DAB1: variants seen among roughly 807,000 people sequenced by gnomAD.
DAB1 encodes the protein disabled homolog 1.
DAB1 carries 15 observed loss-of-function variants against 64.6 expected under a neutral mutation model. The ratio of observed to expected loss-of-function variants is 0.23; its 90% confidence interval spans 0.16 to 0.36. The LOEUF is 0.36. DAB1 is among the 10% of genes least tolerant of loss of function. The probability of loss-of-function intolerance (pLI) is 1.00; values close to 1 mark genes in which losing one functional copy is unlikely to be tolerated. For missense variants in DAB1, 596 were observed against 706.7 expected (o/e 0.84, Z 1.78); for synonymous variants, 235 against 251.9 (o/e 0.93, Z 0.64).
At chr1:58,347,360 A>C (rs919304496) in intron 3 of DAB1, among the ~76,000 whole-genome samples, 5 of 152,178 alleles carry the variant, frequency 3.3e-5, no homozygotes, top group African/African-American at 9.7e-5. Context: ...CACCCGCCTC[A>C]GCTTCCCAAA....
At chr1:58,483,627 C>A (rs563416172) in intron 3 of DAB1, among the ~76,000 whole-genome samples, 1 of 152,282 alleles carries the variant, frequency 6.6e-6, no homozygotes, top group Admixed American at 6.5e-5. Flanking sequence ...TGAATTGACA[C>A]AACAAGAAAA....
chr1:57,165,159 G>A (rs1380043781), intron 2 of DAB1, among the ~76,000 whole-genome samples: 2 of 151,948 alleles, frequency 1.3e-5, no homozygotes, highest in Non-Finnish European at 2.9e-5. Flanking sequence ...TCCCCAACAT[G>A]GCTTAGCATT....
intron 5 of DAB1, among the ~76,000 whole-genome samples, chr1:57,986,958 G>T (rs1273515368): frequency 6.6e-6 from 1 of 152,160 alleles, no homozygotes; most frequent in Non-Finnish European, 1.5e-5. Context: ...AGTATACGAG[G>T]TCAGAGACTT....
intron 6 of DAB1, among the ~76,000 whole-genome samples, chr1:57,691,234 A>G (rs1009135576): frequency 2.0e-5 from 3 of 152,102 alleles, no homozygotes; most frequent in African/African-American, 4.8e-5. Context: ...CTCTGTAAAA[A>G]TGCACCAATC....
chr1:58,109,930 G>A (rs1651877295), intron 5 of DAB1, among the ~76,000 whole-genome samples: 1 of 152,120 alleles, frequency 6.6e-6, no homozygotes, highest in Non-Finnish European at 1.5e-5. Context: ...CTCCTACACT[G>A]TGATATGTGA....
At chr1:57,731,146 C>A (rs1474041138) in intron 6 of DAB1, among the ~76,000 whole-genome samples, 1 of 152,072 alleles carries the variant, frequency 6.6e-6, no homozygotes, top group Non-Finnish European at 1.5e-5. Flanking sequence ...CCTTGAAAAG[C>A]AAGGAAATTT....
intron 5 of DAB1, among the ~76,000 whole-genome samples, chr1:57,953,670 C>T (rs561729327): frequency 6.6e-5 from 10 of 152,240 alleles, no homozygotes; most frequent in East Asian, 1.9e-4. Flanking sequence ...TTGTTAAGGA[C>T]GCCATCAAGC....
At chr1:58,228,498 T>C (rs1261899566) in intron 4 of DAB1, among the ~76,000 whole-genome samples, 1 of 151,916 alleles carries the variant, frequency 6.6e-6, no homozygotes, top group African/African-American at 2.4e-5. Flanking sequence ...TCAGAGGCAC[T>C]GGGTGGAAAA....
intron 5 of DAB1, among the ~76,000 whole-genome samples, chr1:58,063,357 G>GA (rs895308877): frequency 2.0e-5 from 3 of 152,156 alleles, no homozygotes; most frequent in African/African-American, 4.8e-5. Flanking sequence ...CTTGCTATAG[G>GA]AAAAAATCAG....
At chr1:58,019,937 C>A (rs1267923912) in intron 5 of DAB1, among the ~76,000 whole-genome samples, 2 of 152,112 alleles carry the variant, frequency 1.3e-5, no homozygotes, top group Non-Finnish European at 2.9e-5. Context: ...AATCACTAAT[C>A]CTCCCAGAGA....
At chr1:57,311,855 G>C (rs745330971) in intron 1 of DAB1, among the ~76,000 whole-genome samples, 6 of 152,128 alleles carry the variant, frequency 3.9e-5, no homozygotes, top group Non-Finnish European at 8.8e-5. Flanking sequence ...CAATAAACAT[G>C]ATGATGGTGA....
At chr1:58,339,773 T>C (rs1239416949) in intron 4 of DAB1, among the ~76,000 whole-genome samples, 1 of 152,208 alleles carries the variant, frequency 6.6e-6, no homozygotes, top group Non-Finnish European at 1.5e-5. Flanking sequence ...AAGATAATTT[T>C]CCAAACAGAA....
At chr1:57,857,313 G>T (rs1358912317) in intron 1 of DAB1, among the ~76,000 whole-genome samples, 1 of 152,226 alleles carries the variant, frequency 6.6e-6, no homozygotes, top group Non-Finnish European at 1.5e-5. Flanking sequence ...CATCAAAAGT[G>T]AAAGGAAGTA....
chr1:58,127,817 A>G (rs578209599), intron 5 of DAB1, among the ~76,000 whole-genome samples: 1 of 151,708 alleles, frequency 6.6e-6, no homozygotes, highest in South Asian at 2.1e-4. Flanking sequence ...CCATTGATCT[A>G]TATCTCTGTT....
intron 6 of DAB1, among the ~76,000 whole-genome samples, chr1:57,754,062 A>G (rs1043910688): frequency 6.6e-6 from 1 of 152,212 alleles, no homozygotes; most frequent in African/African-American, 2.4e-5. Context: ...AGCAAGAATG[A>G]GAGCTTATCT....
chr1:58,488,273 T>C (rs897757188), intron 3 of DAB1, among the ~76,000 whole-genome samples: 6 of 152,232 alleles, frequency 3.9e-5, no homozygotes, highest in Non-Finnish European at 7.3e-5. Context: ...TTTTGTTATA[T>C]TAATTTTACT....
At chr1:57,486,786 G>A (rs998295930) in intron 7 of DAB1, among the ~76,000 whole-genome samples, 3 of 151,890 alleles carry the variant, frequency 2.0e-5, no homozygotes, top group African/African-American at 7.3e-5. Flanking sequence ...GTTTGGGAAG[G>A]GAAGAATACA....
chr1:58,476,358 C>A (rs1336665790), intron 3 of DAB1, among the ~76,000 whole-genome samples: 1 of 152,150 alleles, frequency 6.6e-6, no homozygotes, highest in African/African-American at 2.4e-5. Flanking sequence ...ACTTATGCCC[C>A]ATGCTCTGCA....
At chr1:57,167,697 T>C (rs1460907950) in intron 2 of DAB1, among the ~76,000 whole-genome samples, 2 of 152,140 alleles carry the variant, frequency 1.3e-5, no homozygotes, top group African/African-American at 4.8e-5. Context: ...CCAAACCAGT[T>C]TTTCCCACTC....
Sources: allele counts gnomAD v4.1 joint callset (sites outside exome capture counted in the v4.1 genomes callset), GRCh38; gene constraint gnomAD v4.1.1; transcripts MANE v1.5; gene names NCBI Gene and HGNC (gene_info 2026-07-23, HGNC 2026-07-21).